The following DPP10 variants were observed in gnomAD, a reference collection of about 807,000 sequenced individuals.
The protein encoded by DPP10 is dipeptidyl peptidase like 10, also known as inactive dipeptidyl peptidase 10.
In DPP10, 33 loss-of-function variants were observed where a neutral mutation model predicts 120.9. The ratio of observed to expected loss-of-function variants is 0.27; its 90% CI spans 0.21 to 0.37. The LOEUF is 0.37. Among genes scored for constraint, DPP10 ranks in the 10% least tolerant of loss-of-function variants. The probability of loss-of-function intolerance (pLI) is 1.00; values close to 1 mark genes in which losing one functional copy is unlikely to be tolerated. For synonymous variants in DPP10, 337 were observed against 326.1 expected (o/e 1.03, Z -0.36); for missense variants, 816 against 942.8 (o/e 0.87, Z 1.76).
chr2:115,016,658 GA>G (rs914117507), intron 1 of DPP10, among the ~76,000 whole-genome samples: 46 of 144,794 alleles, frequency 3.2e-4, no homozygotes, highest in Admixed American at 1.9e-3. Flanking sequence ...AAATTTACAA[GA>G]AAAAAAAAAC....
chr2:115,558,417 T>C (rs1472562566), intron 5 of DPP10, among the ~76,000 whole-genome samples: 6 of 152,134 alleles, frequency 3.9e-5, no homozygotes, highest in East Asian at 3.9e-4. Context: ...ATGAAAACCA[T>C]TGGTCAGAGA....
At chr2:115,080,903 T>G (rs1708218742) in intron 1 of DPP10, among the ~76,000 whole-genome samples, 1 of 152,196 alleles carries the variant, frequency 6.6e-6, no homozygotes, top group South Asian at 2.1e-4. Context: ...TAGATTATAA[T>G]CATTCTCTTT....
intron 5 of DPP10, among the ~76,000 whole-genome samples, chr2:115,640,326 A>G (rs1209703105): frequency 1.7e-5 from 1 of 57,322 alleles, no homozygotes; most frequent in African/African-American, 6.8e-5. Context: ...AGAACTTCAC[A>G]CTCGCTTTGT....
chr2:115,145,919 C>T (rs975559638), intron 1 of DPP10, among the ~76,000 whole-genome samples: 1 of 152,250 alleles, frequency 6.6e-6, no homozygotes, highest in Non-Finnish European at 1.5e-5. Flanking sequence ...AGAATACCCA[C>T]AATTTTACAA....
chr2:114,993,386 T>G (rs577041067), intron 1 of DPP10, among the ~76,000 whole-genome samples: 1 of 151,336 alleles, frequency 6.6e-6, no homozygotes, highest in Admixed American at 6.6e-5. Context: ...TCCACACAGA[T>G]GAATGAATAA....
At chr2:115,416,520 C>A (rs1203044605) in intron 3 of DPP10, among the ~76,000 whole-genome samples, 2 of 152,014 alleles carry the variant, frequency 1.3e-5, no homozygotes, top group Non-Finnish European at 2.9e-5. Context: ...TTCTGCAAAA[C>A]CCTAGGCCAT....
At chr2:115,663,781 G>A (rs1286624267) in intron 5 of DPP10, among the ~76,000 whole-genome samples, 1 of 152,106 alleles carries the variant, frequency 6.6e-6, no homozygotes, top group Admixed American at 6.5e-5. Flanking sequence ...CGGATCACGA[G>A]GTCGGGAGGT....
intron 2 of DPP10, among the ~76,000 whole-genome samples, chr2:115,343,028 C>T (rs1010431570): frequency 2.0e-5 from 3 of 152,244 alleles, no homozygotes; most frequent in African/African-American, 7.2e-5. Flanking sequence ...TGAAAGGTCA[C>T]AAAGATGAAT....
intron 1 of DPP10, among the ~76,000 whole-genome samples, chr2:114,780,131 G>A (rs1044185178): frequency 5.3e-5 from 8 of 151,770 alleles, no homozygotes; most frequent in East Asian, 1.9e-4. Context: ...GCGAGACTGC[G>A]TCTCAAAAAA....
At chr2:114,754,061 T>G (rs1401072859) in intron 1 of DPP10, among the ~76,000 whole-genome samples, 1 of 152,184 alleles carries the variant, frequency 6.6e-6, no homozygotes, top group Non-Finnish European at 1.5e-5. Flanking sequence ...TAGTTTAACA[T>G]TTTTCTAAAA....
chr2:114,965,675 C>T (rs1429402924), intron 1 of DPP10, among the ~76,000 whole-genome samples: 2 of 151,768 alleles, frequency 1.3e-5, no homozygotes, highest in African/African-American at 2.4e-5. Context: ...CCTATGTTTC[C>T]ACGTCAGAAA....
At chr2:115,674,154 G>A (rs925228065) in intron 5 of DPP10, among the ~76,000 whole-genome samples, 1 of 152,116 alleles carries the variant, frequency 6.6e-6, no homozygotes, top group Non-Finnish European at 1.5e-5. Context: ...GAACCTGGGA[G>A]GCAGAGGTTG....
intron 1 of DPP10, among the ~76,000 whole-genome samples, chr2:114,977,513 G>C (rs1202899880): frequency 1.3e-5 from 2 of 152,120 alleles, no homozygotes; most frequent in African/African-American, 4.8e-5. Context: ...CCTTGTTGGA[G>C]CACATAGCTC....
intron 1 of DPP10, among the ~76,000 whole-genome samples, chr2:114,922,414 A>G (rs186738836): frequency 1.5e-3 from 222 of 152,232 alleles, no homozygotes; most frequent in Middle Eastern, 3.4e-3. Flanking sequence ...CTGGGTTCAA[A>G]CGATTCTCCT....
chr2:115,101,622 T>C (rs2048696280), intron 1 of DPP10, among the ~76,000 whole-genome samples: 1 of 152,214 alleles, frequency 6.6e-6, no homozygotes, highest in South Asian at 2.1e-4. Context: ...CACTAATGGG[T>C]AGAATGAGTA....
intron 1 of DPP10, among the ~76,000 whole-genome samples, chr2:115,061,594 GTT>G (rs1706403950): frequency 6.6e-6 from 1 of 152,276 alleles, no homozygotes; most frequent in African/African-American, 2.4e-5. Context: ...AATGCACAGT[GTT>G]TATAATTGGG....
chr2:115,552,544 G>A (rs983093641), intron 5 of DPP10, among the ~76,000 whole-genome samples: 6 of 152,010 alleles, frequency 3.9e-5, no homozygotes, highest in Non-Finnish European at 8.8e-5. Context: ...ATCTTGGATT[G>A]CAGTCTACCT....
chr2:114,770,234 G>C (rs1246402085), intron 1 of DPP10, among the ~76,000 whole-genome samples: 2 of 152,064 alleles, frequency 1.3e-5, no homozygotes, highest in African/African-American at 4.8e-5. Flanking sequence ...GAGGGATCAG[G>C]GTTCTAATTC....
At chr2:114,559,318 T>A (rs1343231654) in intron 1 of DPP10, among the ~76,000 whole-genome samples, 2 of 152,060 alleles carry the variant, frequency 1.3e-5, no homozygotes, top group Non-Finnish European at 2.9e-5. Flanking sequence ...GAGGCAGAGG[T>A]CAGAGTGATG....
Sources: gnomAD v4.1 joint callset for allele counts (sites outside exome capture counted in the v4.1 genomes callset) on GRCh38, gnomAD v4.1.1 for gene constraint, MANE v1.5 for transcripts, NCBI Gene and HGNC (gene_info 2026-07-23, HGNC 2026-07-21) for gene names.